Variants in MIPOL1 observed in about 807,000 individuals in gnomAD.
MIPOL1 encodes mirror-image polydactyly 1, also known as mirror-image polydactyly gene 1 protein.
MIPOL1 carries 57 observed loss-of-function variants against 60.9 expected under a neutral mutation model. The observed-to-expected ratio is 0.94, with a 90% CI of 0.76 to 1.17. The LOEUF is 1.17. Ranked by LOEUF, MIPOL1 falls within the 50% of genes most tolerant of loss-of-function variation. The pLI is 0.00. For missense variants in MIPOL1, 551 were observed against 511.6 expected (o/e 1.08, Z -0.74); for synonymous variants, 179 against 168.8 (o/e 1.06, Z -0.47).
At position 37,244,104 on chromosome 14, in the gene MIPOL1, C is replaced by CTTTTTTT. The variant is rs143933758; in HGVS notation, c.-198-2973_-198-2967dup. On this transcript the variant is annotated intron_variant, in intron 1 of 12. Coordinates refer to ENST00000684589, the MANE Select transcript of MIPOL1 (RefSeq NM_001388067.1). Reference sequence around the variant, plus strand: ...TTTTCTTCCATGTAAGACTCACTTCCTTTTTTTTTTTTTTTTTTTTTTTTT... The same window carrying CTTTTTTT: ...TTTTCTTCCATGTAAGACTCACTTCCTTTTTTTTTTTTTTTTTTTTTTTTTTTTTTTT... Among the ~76,000 whole-genome samples the CTTTTTTT allele has an allele frequency of 5.6e-3, 291 of 51,634 alleles. 102 individuals carry two copies. The highest frequency in any genetic ancestry group is 7.4e-3 in the Non-Finnish European group (219 of 29,566). The allele number at this position is 51,634 out of a possible 152,430, so 33.9% of individuals were successfully genotyped here. A position where few individuals can be genotyped will look rare whatever the true frequency, so the allele number is the denominator to read the frequency against.
rs114933990 is a variant in MIPOL1, at chr14:37,519,141, A to C, written c.1262+19003A>C. Reference sequence around the variant, plus strand: ...CATGAATCAGCTATAAAATTAGTTAAAAGAAGCAACCTTGGTACTAGAATC... The same window carrying C: ...CATGAATCAGCTATAAAATTAGTTACAAGAAGCAACCTTGGTACTAGAATC... On this transcript the variant is annotated intron_variant, in intron 12 of 12. Coordinates refer to ENST00000684589, the MANE Select transcript of MIPOL1 (RefSeq NM_001388067.1). Among the ~76,000 whole-genome samples the C allele has an allele frequency of 7.0e-3, 1,069 of 152,286 alleles. 12 individuals are homozygous for C. The highest frequency in any genetic ancestry group is 0.025 in the African/African-American group (1,029 of 41,568).
intron 11 of MIPOL1, among the ~76,000 whole-genome samples, chr14:37,435,530 G>A (rs929427943): frequency 2.3e-4 from 34 of 150,028 alleles, no homozygotes; most frequent in South Asian, 2.1e-4. Context: ...TTTTTTAACC[G>A]CTGAATCTTA....
intron 12 of MIPOL1, among the ~76,000 whole-genome samples, chr14:37,524,172 T>C (rs974217391): frequency 6.6e-6 from 1 of 152,198 alleles, no homozygotes; most frequent in Admixed American, 6.5e-5. Context: ...TATTCTGATT[T>C]GCATTTTTAA....
intron 11 of MIPOL1, among the ~76,000 whole-genome samples, chr14:37,439,132 A>G (rs958515407): frequency 1.3e-5 from 2 of 152,250 alleles, no homozygotes; most frequent in Non-Finnish European, 2.9e-5. Context: ...GAAAAAATAT[A>G]TACTAAAAAT....
At chr14:37,431,387 T>C (rs2094061123) in intron 11 of MIPOL1, among the ~76,000 whole-genome samples, 1 of 152,038 alleles carries the variant, frequency 6.6e-6, no homozygotes, top group Non-Finnish European at 1.5e-5. Flanking sequence ...CCAAGCTTTT[T>C]TTGCTACTTT....
chr14:37,319,179 A>T (rs550553441), intron 9 of MIPOL1, among the ~76,000 whole-genome samples: 7 of 151,866 alleles, frequency 4.6e-5, no homozygotes, highest in African/African-American at 1.7e-4. Flanking sequence ...GATTTGTTTA[A>T]CTCACCTGCC....
chr14:37,512,490 A>G (rs1294764081), intron 12 of MIPOL1, among the ~76,000 whole-genome samples: 3 of 152,030 alleles, frequency 2.0e-5, no homozygotes, highest in Admixed American at 1.3e-4. Flanking sequence ...AAAAAAAAAA[A>G]AGCCTGCTAT....
intron 10 of MIPOL1, among the ~76,000 whole-genome samples, chr14:37,399,054 T>G (rs2093431708): frequency 6.6e-6 from 1 of 151,940 alleles, no homozygotes; most frequent in Non-Finnish European, 1.5e-5. Flanking sequence ...TGCAATTAAG[T>G]GCTGACAGAA....
intron 10 of MIPOL1, among the ~76,000 whole-genome samples, chr14:37,402,988 G>A (rs1038837176): frequency 3.3e-5 from 5 of 152,190 alleles, no homozygotes; most frequent in Non-Finnish European, 7.3e-5. Context: ...CGTTTCCACA[G>A]AGGAGAGAGA....
intron 11 of MIPOL1, among the ~76,000 whole-genome samples, chr14:37,499,550 C>T (rs1347722001): frequency 6.6e-6 from 1 of 152,134 alleles, no homozygotes; most frequent in African/African-American, 2.4e-5. Context: ...ATTCTCTTCT[C>T]ACTTCTTTCA....
At position 37,356,762 on chromosome 14, in the gene MIPOL1, C is replaced by T. The variant is rs189759486; in HGVS notation, c.829-12755C>T. On this transcript the variant is annotated intron_variant, in intron 9 of 12. Transcript: ENST00000684589. ...AGTGAGGCAATGCCTCGCCCTGCTT[C>T]GGCTCACGCACGGTGCGCGAACCCA... Among the ~76,000 whole-genome samples the T allele has an allele frequency of 6.9e-4, 105 of 152,316 alleles. 1 individual carries two copies. The South Asian group carries it at 0.014, about 20-fold the overall frequency.
At chr14:37,285,289 T>A in intron 6 of MIPOL1, 29 bp from the exon 7 acceptor site, 2 of 1,612,352 alleles carry the variant, frequency 1.2e-6, no homozygotes, top group Non-Finnish European at 1.7e-6. Context: ...TTTTGTATGA[T>A]TGATTGTGCG....
chr14:37,403,004 G>A (rs994540786), intron 10 of MIPOL1, among the ~76,000 whole-genome samples: 1 of 152,180 alleles, frequency 6.6e-6, no homozygotes, highest in Non-Finnish European at 1.5e-5. Flanking sequence ...AGAGAAGCAC[G>A]ATTAGCTGTT....
intron 9 of MIPOL1, among the ~76,000 whole-genome samples, chr14:37,333,428 T>C (rs1456961407): frequency 5.3e-5 from 8 of 152,140 alleles, no homozygotes; most frequent in Admixed American, 2.6e-4. Flanking sequence ...GGACCAACTG[T>C]ACTCCAATTA....
chr14:37,436,801 C>G (rs968110337), intron 11 of MIPOL1, among the ~76,000 whole-genome samples: 13 of 152,116 alleles, frequency 8.5e-5, no homozygotes, highest in Non-Finnish European at 1.6e-4. Context: ...GAATGTTTAC[C>G]TATAGTTAGG....
chr14:37,341,219 A>T (rs930292713), intron 9 of MIPOL1, among the ~76,000 whole-genome samples: 1 of 152,218 alleles, frequency 6.6e-6, no homozygotes, highest in Non-Finnish European at 1.5e-5. Context: ...AGCACATGCT[A>T]TTGGAAAAAT....
intron 5 of MIPOL1, among the ~76,000 whole-genome samples, chr14:37,269,292 G>A (rs958770838): frequency 4.6e-5 from 7 of 151,826 alleles, no homozygotes; most frequent in Admixed American, 1.3e-4. Context: ...AATTTGTCAC[G>A]TTATGTTTTA....
intron 4 of MIPOL1, among the ~76,000 whole-genome samples, chr14:37,268,276 G>A (rs939603633): frequency 6.6e-6 from 1 of 152,114 alleles, no homozygotes; most frequent in Non-Finnish European, 1.5e-5. Context: ...CTAAGGTGTA[G>A]GTTGGAGTCC....
intron 11 of MIPOL1, among the ~76,000 whole-genome samples, chr14:37,446,886 G>A (rs919119557): frequency 2.6e-5 from 4 of 151,520 alleles, no homozygotes; most frequent in African/African-American, 7.3e-5. Flanking sequence ...AGAACACATG[G>A]ACACAGGAAG....
Sources: gnomAD v4.1 joint callset for allele counts (sites outside exome capture counted in the v4.1 genomes callset) on GRCh38, gnomAD v4.1.1 for gene constraint, MANE v1.5 for transcripts, NCBI Gene and HGNC (gene_info 2026-07-23, HGNC 2026-07-21) for gene names.